TANC1: variants seen among roughly 807,000 people sequenced by gnomAD.
The protein encoded by TANC1 is tetratricopeptide repeat, ankyrin repeat and coiled-coil containing 1.
In TANC1, 77 loss-of-function variants were observed where a neutral mutation model predicts 149.7. The ratio of observed to expected loss-of-function variants is 0.51; its 90% CI spans 0.43 to 0.62. The LOEUF (loss-of-function observed/expected upper bound fraction) is 0.62. Among genes scored for constraint, TANC1 ranks in the 20% least tolerant of loss-of-function variants. The pLI is 0.00. For missense variants in TANC1, 1,985 were observed against 2,321.8 expected, an observed-to-expected ratio of 0.85 and a Z score of 2.98; for synonymous variants, 854 against 925.0, an observed-to-expected ratio of 0.92 and a Z score of 1.39.
At position 159,065,927 on chromosome 2, in the gene TANC1, TGAA is replaced by T. The variant is rs1366771901; in HGVS notation, c.23_25del (p.Lys8del). 2.5e-6 allele frequency: 4 copies of T among 1,613,950 alleles called. No homozygotes were observed. Among genetic ancestry groups the T allele is most frequent in the Non-Finnish European group, 3.4e-6 (4 of 1,179,838 alleles). On this transcript the variant is annotated inframe_deletion, in exon 3 of 27. Coordinates refer to ENST00000263635, the MANE Select transcript of TANC1 (RefSeq NM_033394.3). The stretch of plus-strand genomic sequence containing the variant: ...GTGTTGAAAATGTTAAAGGCTGTGC[TGAA>T]GAAGAGCCGAGAGGGAGGAAAGGGA...
At chr2:159,061,343 C>T (rs2042221273) in intron 2 of TANC1, among the ~76,000 whole-genome samples, 2 of 152,150 alleles carry the variant, frequency 1.3e-5, no homozygotes, top group South Asian at 4.1e-4. Flanking sequence ...TCCCTCTGAC[C>T]TCCCCTTGCC....
At chr2:159,150,685 G>T in intron 7 of TANC1, 129 bp downstream of exon 7, 1 of 672,070 alleles carries the variant, frequency 1.5e-6, no homozygotes, top group South Asian at 1.8e-5. Context: ...TCTGTTCTTT[G>T]CAGGCAGCAC....
At chr2:158,991,967 TTAATCAC>T (rs1441967800) in intron 1 of TANC1, among the ~76,000 whole-genome samples, 2 of 152,202 alleles carry the variant, frequency 1.3e-5, no homozygotes, top group African/African-American at 4.8e-5. Context: ...TCAGTCAAAA[TTAATCAC>T]TCTTCCATCT....
At chr2:158,983,715 A>G (rs1414815926) in intron 1 of TANC1, among the ~76,000 whole-genome samples, 2 of 152,186 alleles carry the variant, frequency 1.3e-5, no homozygotes, top group Non-Finnish European at 2.9e-5. Context: ...TCATACATGC[A>G]TATTCATTTA....
rs1345814356 is a variant in TANC1 at position 159,159,713 on chromosome 2, TGTGTGAGAGAGAGAGAGAGAGAGA to T, written c.683-3568_683-3545del. ...ATACGTGTGTGTGTGTGTGTGTGTG[TGTGTGAGAGAGAGAGAGAGAGAGA>T]GAGAGAGAGAGAGAGAGAGAGAGAT... On this transcript the variant is annotated intron_variant, in intron 7 of 26. Coordinates refer to ENST00000263635, the MANE Select transcript of TANC1 (RefSeq NM_033394.3). Among the ~76,000 whole-genome samples, 6 of 65,652 alleles carry T rather than the reference TGTGTGAGAGAGAGAGAGAGAGAGA, an allele frequency of 9.1e-5. No homozygotes were observed. In the East Asian group the frequency reaches 1.4e-3, roughly 15 times the overall value. 43.1% of individuals were successfully genotyped at this position (65,652 alleles called of 152,430 possible). A position where few individuals can be genotyped will look rare whatever the true frequency, so the allele number is the denominator to read the frequency against.
intron 12 of TANC1, among the ~76,000 whole-genome samples, chr2:159,175,413 G>C (rs2055742559): frequency 6.6e-6 from 1 of 152,200 alleles, no homozygotes; most frequent in South Asian, 2.1e-4. Flanking sequence ...TGATAAGAAT[G>C]AATGTGATGA....
At chr2:159,029,191 T>C (rs2039589353) in intron 2 of TANC1, among the ~76,000 whole-genome samples, 1 of 152,250 alleles carries the variant, frequency 6.6e-6, no homozygotes, top group East Asian at 1.9e-4. Flanking sequence ...CCTTTTTTTA[T>C]GGCGGAATGA....
intron 24 of TANC1, chr2:159,225,999 T>C (rs1422180993): frequency 3.6e-6 from 2 of 553,834 alleles, no homozygotes; most frequent in Non-Finnish European, 3.2e-6. Context: ...CTGGCCAATA[T>C]GGCAAAACCC....
intron 5 of TANC1, among the ~76,000 whole-genome samples, chr2:159,143,146 G>A (rs1305637125): frequency 6.6e-6 from 1 of 150,948 alleles, no homozygotes; most frequent in Non-Finnish European, 1.5e-5. Context: ...AATAAAACTT[G>A]ACATTTCAAA....
intron 24 of TANC1, chr2:159,227,584 C>T: frequency 2.0e-6 from 1 of 503,828 alleles, no homozygotes; most frequent in Non-Finnish European, 3.5e-6. Context: ...ATTGTAAAAC[C>T]AGCTTCTTTC....
At chr2:159,076,603 C>T (rs1257915526) in intron 3 of TANC1, among the ~76,000 whole-genome samples, 1 of 152,224 alleles carries the variant, frequency 6.6e-6, no homozygotes, top group Non-Finnish European at 1.5e-5. Flanking sequence ...TAAGTGCAAA[C>T]TTCTATCCAT....
intron 2 of TANC1, among the ~76,000 whole-genome samples, chr2:159,022,911 A>G (rs1214628064): frequency 6.6e-6 from 1 of 152,172 alleles, no homozygotes; most frequent in African/African-American, 2.4e-5. Context: ...GGTCTTGTTC[A>G]TGACCCAAAT....
In TANC1 at chr2:159,146,697, C is replaced by T. The variant is rs143232003; in HGVS notation, c.365-2445C>T. Among the ~76,000 whole-genome samples, 579 of 152,120 alleles carry T rather than the reference C, an allele frequency of 3.8e-3. 5 individuals carry two copies. The highest frequency in any genetic ancestry group is 0.013 in the African/African-American group (535 of 41,510). On this transcript the variant is annotated intron_variant, in intron 5 of 26. Coordinates refer to ENST00000263635, the MANE Select transcript of TANC1 (RefSeq NM_033394.3). ...CTGGGATTACAGGCATCTGCCACTA[C>T]GCCCAGCTAATTTTTGTATTTTTAA...
chr2:159,014,978 A>G (rs1367081387), intron 2 of TANC1, among the ~76,000 whole-genome samples: 1 of 152,168 alleles, frequency 6.6e-6, no homozygotes, highest in Non-Finnish European at 1.5e-5. Context: ...GCAAGCTGTT[A>G]GTGGATCTAC....
chr2:159,129,830 A>G (rs559015010), intron 4 of TANC1, among the ~76,000 whole-genome samples: 1 of 152,272 alleles, frequency 6.6e-6, no homozygotes, highest in Admixed American at 6.5e-5. Flanking sequence ...AAATCTTGTA[A>G]ACTGAACACG....
At chr2:159,133,948 A>G (rs904330820) in intron 4 of TANC1, among the ~76,000 whole-genome samples, 1 of 152,212 alleles carries the variant, frequency 6.6e-6, no homozygotes, top group Non-Finnish European at 1.5e-5. Flanking sequence ...GATTATTTTT[A>G]TAGTAGTATA....
chr2:159,132,210 A>G (rs1040146580), intron 4 of TANC1, among the ~76,000 whole-genome samples: 3 of 152,208 alleles, frequency 2.0e-5, no homozygotes, highest in African/African-American at 7.2e-5. Flanking sequence ...CTTTTCTCCC[A>G]GAGTTATTAG....
chr2:159,223,302 C>CT lies in TANC1; in HGVS notation c.3679-919dup, dbSNP rs914233557. Among the ~76,000 whole-genome samples the CT allele has an allele frequency of 6.3e-4, 92 of 147,084 alleles. 1 individual carries two copies. The highest frequency in any genetic ancestry group is 2.2e-3 in the South Asian group (10 of 4,622). On this transcript the variant is annotated intron_variant, in intron 22 of 26. Transcript: ENST00000263635. ...TCTGAGGTGCTTTTTTTAATAGTAG[C>CT]TTTTTTTTTTTAATTGTAGCCATCG...
chr2:159,083,188 C>T (rs1406210972), intron 3 of TANC1, among the ~76,000 whole-genome samples: 1 of 151,990 alleles, frequency 6.6e-6, no homozygotes, highest in Non-Finnish European at 1.5e-5. Context: ...CTCCTGGCCT[C>T]AAGTGATCTG....
Sources: allele counts gnomAD v4.1 joint callset (sites outside exome capture counted in the v4.1 genomes callset), GRCh38; gene constraint gnomAD v4.1.1; transcripts MANE v1.5; gene names NCBI Gene and HGNC (gene_info 2026-07-23, HGNC 2026-07-21).